The following DLG2 variants were observed in gnomAD, a reference collection of about 807,000 sequenced individuals.
DLG2 encodes discs large MAGUK scaffold protein 2.
DLG2 carries 45 observed loss-of-function variants against 132.5 expected under a neutral mutation model. The ratio of observed to expected loss-of-function variants is 0.34; its 90% CI spans 0.27 to 0.44. The LOEUF (loss-of-function observed/expected upper bound fraction) is 0.44. Among genes scored for constraint, DLG2 ranks in the 20% least tolerant of loss-of-function variants. The pLI, the probability that DLG2 is intolerant of heterozygous loss-of-function variation, is 1.00. For synonymous variants in DLG2, 424 were observed against 419.6 expected (o/e 1.01, Z -0.13); for missense variants, 1,045 against 1,196.9 (o/e 0.87, Z 1.87).
At chr11:84,004,028 C>T (rs772223447) in intron 11 of DLG2, among the ~76,000 whole-genome samples, 6 of 151,986 alleles carry the variant, frequency 3.9e-5, no homozygotes, top group Non-Finnish European at 7.4e-5. Context: ...AGAACTAAAA[C>T]CAATCCTCCT....
intron 6 of DLG2, among the ~76,000 whole-genome samples, chr11:85,085,710 T>G (rs1215710949): frequency 1.3e-5 from 2 of 152,160 alleles, no homozygotes; most frequent in African/African-American, 4.8e-5. Flanking sequence ...AACATTTTAC[T>G]TCCATCTTAA....
chr11:85,203,807 G>A (rs968080098), intron 4 of DLG2, among the ~76,000 whole-genome samples: 2 of 151,892 alleles, frequency 1.3e-5, no homozygotes, highest in East Asian at 3.9e-4. Flanking sequence ...CTAGCAAACT[G>A]GATACCACAC....
chr11:85,341,353 C>A (rs148836024), intron 3 of DLG2, among the ~76,000 whole-genome samples: 1 of 152,296 alleles, frequency 6.6e-6, no homozygotes, highest in East Asian at 1.9e-4. Flanking sequence ...ATCTCCTGAC[C>A]TCGTGATCTG....
intron 6 of DLG2, chr11:84,997,885 T>C (rs1272938214): frequency 6.6e-6 from 1 of 152,150 alleles, no homozygotes; most frequent in Admixed American, 6.6e-5. Flanking sequence ...TTTCACAAAG[T>C]ACATTAAACT....
In DLG2 at chr11:85,500,541, T is replaced by TTA. The variant is rs1422783230; in HGVS notation, c.40+98115_40+98116insTA. Among the ~76,000 whole-genome samples, 14 of 40,880 alleles carry TTA rather than the reference T, an allele frequency of 3.4e-4. 1 individual carries two copies. In the Middle Eastern group the frequency reaches 0.1, roughly 299 times the overall value. 26.8% of individuals were successfully genotyped at this position (40,880 alleles called of 152,430 possible). On this transcript the variant is annotated intron_variant, in intron 3 of 27. Transcript: ENST00000376104. ...ATGTACCCTAAAACTTAGAGTATAA[T>TTA]AAAAAAAATAAAAATAAAATAAATA...
chr11:84,394,913 C>CCTAG (rs1293176205), intron 7 of DLG2, among the ~76,000 whole-genome samples: 1 of 152,152 alleles, frequency 6.6e-6, no homozygotes, highest in Non-Finnish European at 1.5e-5. Context: ...AGTCACAGCA[C>CCTAG]CTAGCCCTTC....
At chr11:83,551,496 C>G (rs898190534) in intron 19 of DLG2, among the ~76,000 whole-genome samples, 5 of 152,278 alleles carry the variant, frequency 3.3e-5, no homozygotes, top group African/African-American at 7.2e-5. Flanking sequence ...TTAGTACCAT[C>G]ATAGCAGCTC....
At chr11:84,027,521 G>A (rs1278157639) in intron 11 of DLG2, among the ~76,000 whole-genome samples, 1 of 151,934 alleles carries the variant, frequency 6.6e-6, no homozygotes, top group Non-Finnish European at 1.5e-5. Context: ...TTGCAAAATA[G>A]CTACCATATA....
chr11:83,633,887 G>A (rs1187215420), intron 18 of DLG2, among the ~76,000 whole-genome samples: 2 of 151,326 alleles, frequency 1.3e-5, no homozygotes, highest in Non-Finnish European at 2.9e-5. Flanking sequence ...GAGAAACTGA[G>A]TAAAATAGTT....
chr11:84,283,305 G>A (rs535016332), intron 7 of DLG2, among the ~76,000 whole-genome samples: 2 of 152,256 alleles, frequency 1.3e-5, no homozygotes, highest in South Asian at 4.1e-4. Flanking sequence ...CCACTAACTA[G>A]CCTTGTGACC....
At chr11:84,368,533 G>A (rs1163875096) in intron 7 of DLG2, among the ~76,000 whole-genome samples, 2 of 151,886 alleles carry the variant, frequency 1.3e-5, no homozygotes, top group Admixed American at 6.6e-5. Flanking sequence ...CAGAGAAAAG[G>A]GTACAATTAT....
At chr11:84,853,152 AG>A (rs746466765) in intron 6 of DLG2, among the ~76,000 whole-genome samples, 1 of 151,948 alleles carries the variant, frequency 6.6e-6, no homozygotes, top group Non-Finnish European at 1.5e-5. Flanking sequence ...CTAAAATTGG[AG>A]GAGCAAGGTT....
chr11:84,953,828 A>AGCCTT (rs1481464993), intron 6 of DLG2, among the ~76,000 whole-genome samples: 1 of 152,106 alleles, frequency 6.6e-6, no homozygotes, highest in Non-Finnish European at 1.5e-5. Flanking sequence ...TATCCAATAC[A>AGCCTT]GCCTTATTTC....
intron 7 of DLG2, among the ~76,000 whole-genome samples, chr11:84,467,048 T>C (rs2099096356): frequency 6.6e-6 from 1 of 151,334 alleles, no homozygotes; most frequent in Non-Finnish European, 1.5e-5. Context: ...GAATCAGTGA[T>C]ACCCCAATAG....
chr11:84,211,100 T>C (rs1014802194), intron 8 of DLG2, among the ~76,000 whole-genome samples: 2 of 152,208 alleles, frequency 1.3e-5, no homozygotes, highest in African/African-American at 2.4e-5. Flanking sequence ...GAAACAGATA[T>C]AACAGAAATA....
At chr11:85,618,592 T>A (rs58967928) in intron 2 of DLG2, among the ~76,000 whole-genome samples, 7,087 of 152,058 alleles carry the variant, frequency 0.047, 532 homozygotes, top group African/African-American at 0.16. Context: ...ACAGGAACAA[T>A]AGACACTACG....
At chr11:85,565,276 T>A (rs1218520783) in intron 3 of DLG2, among the ~76,000 whole-genome samples, 1 of 152,072 alleles carries the variant, frequency 6.6e-6, no homozygotes, top group Non-Finnish European at 1.5e-5. Context: ...AAAGTGGTTA[T>A]CCTTGTGTTA....
intron 7 of DLG2, among the ~76,000 whole-genome samples, chr11:84,336,098 C>A (rs1422631589): frequency 6.6e-6 from 1 of 152,116 alleles, no homozygotes; most frequent in East Asian, 1.9e-4. Context: ...GATGTATTTA[C>A]CAATAGGAAC....
chr11:85,424,683 G>A (rs977895327), intron 3 of DLG2, among the ~76,000 whole-genome samples: 1 of 152,160 alleles, frequency 6.6e-6, no homozygotes, highest in Admixed American at 6.6e-5. Context: ...CTTCAGAGAG[G>A]TTAAGTAAAT....
Sources: gnomAD v4.1 joint callset for allele counts (sites outside exome capture counted in the v4.1 genomes callset) on GRCh38, gnomAD v4.1.1 for gene constraint, MANE v1.5 for transcripts, NCBI Gene and HGNC (gene_info 2026-07-23, HGNC 2026-07-21) for gene names.